UBE2H: variants seen among roughly 807,000 people sequenced by gnomAD.
The protein encoded by UBE2H is ubiquitin-conjugating enzyme E2 H.
A neutral mutation model predicts 29.0 loss-of-function variants in UBE2H; 3 were observed. That is an observed-to-expected ratio of 0.10 (90% CI 0.05 to 0.27). The LOEUF is 0.27. Ranked by LOEUF, UBE2H falls within the 10% of genes least tolerant of loss-of-function variation. The pLI is 1.00. For synonymous variants in UBE2H, 69 were observed against 82.9 expected (o/e 0.83, Z 0.91); for missense variants, 68 against 228.2 (o/e 0.30, Z 4.52).
chr7:129,836,755 C>T (rs1465125336), intron 6 of UBE2H, among the ~76,000 whole-genome samples: 1 of 151,838 alleles, frequency 6.6e-6, no homozygotes, highest in Non-Finnish European at 1.5e-5. Context: ...TGGCACATGC[C>T]TGTAATCCCA....
Position 129,833,263 on chromosome 7 carries a change from G to C in UBE2H, c.*1674C>G, listed in dbSNP as rs1251309895. On this transcript the variant is annotated 3_prime_UTR_variant, in exon 7 of 7. Coordinates refer to ENST00000355621, the MANE Select transcript of UBE2H (RefSeq NM_003344.4). ...TGTGCTTTTTGAATAAAAAAGATAGGGTATCTTCCAACCTCACTGACTTAA... is the reference window on the plus strand; with the variant it reads ...TGTGCTTTTTGAATAAAAAAGATAGCGTATCTTCCAACCTCACTGACTTAA... 1.3e-5 allele frequency: 2 copies of C among 152,420 alleles called. No homozygotes were observed. The highest frequency in any genetic ancestry group is 4.8e-5 in the African/African-American group (2 of 41,380). The allele number at this position is 152,420 out of a possible 1,614,324, so 9.4% of individuals were successfully genotyped here.
chr7:129,868,464 C>T (rs1192783814), intron 3 of UBE2H, among the ~76,000 whole-genome samples: 1 of 150,062 alleles, frequency 6.7e-6, no homozygotes, highest in East Asian at 1.9e-4. Context: ...CCTGTAGTCC[C>T]AGCTACTCGG....
chr7:129,880,998 A>G, intron 1 of UBE2H, 27 bp from the exon 2 acceptor site: 1 of 1,595,880 alleles, frequency 6.3e-7, no homozygotes, highest in Non-Finnish European at 8.6e-7. Context: ...AGGAAATTAC[A>G]CAGGCTTTAC....
intron 1 of UBE2H, among the ~76,000 whole-genome samples, chr7:129,902,444 T>C (rs1322840387): frequency 6.6e-6 from 1 of 152,184 alleles, no homozygotes; most frequent in Non-Finnish European, 1.5e-5. Context: ...GAGGTTGCAG[T>C]GAGCCGAGAT....
At position 129,834,922 on chromosome 7, in the gene UBE2H, C is replaced by A. The variant is rs764155773; in HGVS notation, c.*15G>T. 6 of 1,611,996 alleles carry A rather than the reference C, an allele frequency of 3.7e-6. No homozygotes were observed. The highest frequency in any genetic ancestry group is 5.1e-6 in the Non-Finnish European group (6 of 1,179,836). On this transcript the variant is annotated 3_prime_UTR_variant, in exon 7 of 7. Transcript: ENST00000355621. Reference sequence around the variant, plus strand: ...AGGAAATAATAGTCTTTCTGAAAAGCAGGTGCTTTTTCTACTACAACTCCA... The same window carrying A: ...AGGAAATAATAGTCTTTCTGAAAAGAAGGTGCTTTTTCTACTACAACTCCA...
At chr7:129,842,743 A>G (rs1483170140) in intron 5 of UBE2H, among the ~76,000 whole-genome samples, 1 of 151,608 alleles carries the variant, frequency 6.6e-6, no homozygotes, top group Admixed American at 6.6e-5. Flanking sequence ...TTTCTACTAA[A>G]AATACAAAAA....
intron 1 of UBE2H, among the ~76,000 whole-genome samples, chr7:129,886,758 G>GTTTTGTGGTT (rs1806368901): frequency 2.5e-5 from 1 of 40,302 alleles, no homozygotes; most frequent in Non-Finnish European, 4.9e-5. Context: ...CTGGTTTTTT[G>GTTTTGTGGTT]TTTTTTGGTA....
intron 4 of UBE2H, 130 bp from the exon 5 acceptor site, chr7:129,857,693 G>GA (rs1805730578): frequency 5.2e-6 from 5 of 967,678 alleles, no homozygotes; most frequent in Non-Finnish European, 7.7e-6. Flanking sequence ...CCCAATTGGG[G>GA]AAAAGTATGA....
intron 1 of UBE2H, among the ~76,000 whole-genome samples, chr7:129,890,263 ATATATACACACGTATATATATACACGTG>A (rs1250834859): frequency 2.3e-4 from 35 of 150,626 alleles, no homozygotes; most frequent in African/African-American, 8.2e-4. Context: ...ATACACACGT[ATATATACACACGTATATATATACACGTG>A]TATATGTATA....
chr7:129,926,740 G>A (rs996178970), intron 1 of UBE2H, among the ~76,000 whole-genome samples: 8 of 151,150 alleles, frequency 5.3e-5, no homozygotes, highest in Non-Finnish European at 1.0e-4. Flanking sequence ...TTTACCAAGA[G>A]TCCTCCTCTG....
At chr7:129,944,018 A>G (rs1302459414) in intron 1 of UBE2H, among the ~76,000 whole-genome samples, 2 of 152,254 alleles carry the variant, frequency 1.3e-5, no homozygotes, top group African/African-American at 4.8e-5. Context: ...AATAAAAAAT[A>G]AATCAGTGCT....
chr7:129,870,729 A>C (rs999087499), intron 3 of UBE2H, among the ~76,000 whole-genome samples: 3 of 151,288 alleles, frequency 2.0e-5, no homozygotes, highest in Non-Finnish European at 4.4e-5. Flanking sequence ...CATTAAAAAA[A>C]CAAAATCAGA....
intron 5 of UBE2H, among the ~76,000 whole-genome samples, chr7:129,849,239 G>A (rs1342308483): frequency 6.6e-6 from 1 of 152,164 alleles, no homozygotes; most frequent in African/African-American, 2.4e-5. Flanking sequence ...TAGGCAGGCA[G>A]AATTCAAAGA....
chr7:129,935,794 A>C (rs980571492), intron 1 of UBE2H, among the ~76,000 whole-genome samples: 5 of 152,222 alleles, frequency 3.3e-5, no homozygotes, highest in African/African-American at 1.2e-4. Context: ...ATCACAGTTG[A>C]AAAGTAGTAT....
intron 3 of UBE2H, among the ~76,000 whole-genome samples, chr7:129,868,609 A>AAAG (rs1805963415): frequency 6.6e-6 from 1 of 150,868 alleles, no homozygotes; most frequent in African/African-American, 2.4e-5. Flanking sequence ...AAAAAAAAAA[A>AAAG]AAAGAAAGAA....
intron 3 of UBE2H, among the ~76,000 whole-genome samples, chr7:129,876,693 T>C (rs1278716131): frequency 6.6e-6 from 1 of 152,204 alleles, no homozygotes; most frequent in Non-Finnish European, 1.5e-5. Flanking sequence ...TCACTTATGA[T>C]ACTGAAACAG....
chr7:129,915,870 C>T (rs557106991), intron 1 of UBE2H, among the ~76,000 whole-genome samples: 2 of 152,146 alleles, frequency 1.3e-5, no homozygotes, highest in East Asian at 3.9e-4. Flanking sequence ...TACCACAGAT[C>T]GTTCTTTCAA....
At chr7:129,914,626 G>C (rs971187264) in intron 1 of UBE2H, among the ~76,000 whole-genome samples, 2 of 152,142 alleles carry the variant, frequency 1.3e-5, no homozygotes, top group Non-Finnish European at 2.9e-5. Context: ...AACCGACCCA[G>C]GTTTGAGTTC....
chr7:129,875,959 C>G (rs1806136943), intron 3 of UBE2H, among the ~76,000 whole-genome samples: 1 of 152,206 alleles, frequency 6.6e-6, no homozygotes, highest in Non-Finnish European at 1.5e-5. Context: ...CTCAACAACT[C>G]TGAAGCTTTT....
Sources: gnomAD v4.1 joint callset for allele counts (sites outside exome capture counted in the v4.1 genomes callset) on GRCh38, gnomAD v4.1.1 for gene constraint, MANE v1.5 for transcripts, NCBI Gene and HGNC (gene_info 2026-07-23, HGNC 2026-07-21) for gene names.